Variants in EPG5 observed in about 807,000 individuals in gnomAD.
EPG5 encodes the protein ectopic P granules protein 5 homolog.
A neutral mutation model predicts 302.7 loss-of-function variants in EPG5; 159 were observed. The observed-to-expected ratio is 0.53, with a 90% CI of 0.46 to 0.60. The LOEUF is 0.60. Ranked by LOEUF, EPG5 falls within the 20% of genes least tolerant of loss-of-function variation. The probability of loss-of-function intolerance (pLI) is 0.00; values close to 1 mark genes in which losing one functional copy is unlikely to be tolerated. For missense variants in EPG5, 2,896 were observed against 3,092.4 expected, an observed-to-expected ratio of 0.94 and a Z score of 1.51; for synonymous variants, 1,158 against 1,136.8, an observed-to-expected ratio of 1.02 and a Z score of -0.37.
At position 45,910,658 on chromosome 18, in the gene EPG5, C is replaced by A. The variant is rs2049871249; in HGVS notation, c.4068G>T (p.Leu1356Phe). 3 of 1,614,134 alleles carry A rather than the reference C, an allele frequency of 1.9e-6. No individual in the cohort carries two copies. Among genetic ancestry groups the A allele is most frequent in the South Asian group, 2.2e-5 (2 of 91,044 alleles). Residue 1356 changes from leucine (L) to phenylalanine (F), a missense_variant, in exon 23 of 44, where the codon TTG becomes TTT. This residue lies in a region of EPG5 where 790 missense variants were observed against 798.0 expected (regional missense o/e 0.99). Transcript: ENST00000282041. ...INLLKEMKRRLTEVADFHHAA... is the reference protein window; with the variant it reads ...INLLKEMKRRFTEVADFHHAA... ...CATGGTGGAAGTCAGCCACCTCGGT[C>A]AAACGTCTCTTCATTTCTTTCAACA...
At chr18:45,836,578 G>C in the EPG5 span, among the ~76,000 whole-genome samples, 1 of 152,204 alleles carries the variant, frequency 6.6e-6, no homozygotes, top group African/African-American at 2.4e-5. Context: ...TCTGCTTCCA[G>C]ACCCTGGCTC....
At chr18:45,935,923 C>A (rs928430160) in intron 10 of EPG5, among the ~76,000 whole-genome samples, 1 of 152,162 alleles carries the variant, frequency 6.6e-6, no homozygotes, top group African/African-American at 2.4e-5. Flanking sequence ...ATGGGTCAAG[C>A]CCTCCTTGGA....
the EPG5 span, among the ~76,000 whole-genome samples, chr18:45,807,237 G>A: frequency 6.6e-6 from 1 of 152,124 alleles, no homozygotes; most frequent in Admixed American, 6.6e-5. Context: ...TGCCCAAGGA[G>A]AGTCTGTGCT....
intron 8 of EPG5, among the ~76,000 whole-genome samples, chr18:45,943,608 C>T (rs563889814): frequency 4.6e-5 from 7 of 152,160 alleles, no homozygotes; most frequent in African/African-American, 1.7e-4. Context: ...ACAAGAAACC[C>T]GAGTTGGAGC....
chr18:45,909,038 C>T (rs1237045945), intron 23 of EPG5, among the ~76,000 whole-genome samples: 1 of 151,986 alleles, frequency 6.6e-6, no homozygotes, highest in Non-Finnish European at 1.5e-5. Context: ...TTTTTACCAG[C>T]AGTGCTAGAA....
chr18:45,870,555 T>C lies in EPG5; in HGVS notation c.6225+12A>G. 1 of 1,610,754 alleles carries C rather than the reference T, an allele frequency of 6.2e-7. No homozygotes were observed. The highest frequency in any genetic ancestry group is 8.5e-7 in the Non-Finnish European group (1 of 1,177,458). ...TCTCTCTAGGCTGCGATGCCGGGAA[T>C]GAAGGGCTTACTTTGAAGAAGGCCT... is the stretch of plus-strand genomic sequence containing the variant. On this transcript the variant is annotated intron_variant, in intron 36 of 43. Transcript: ENST00000282041.
At chr18:45,815,493 C>A in the EPG5 span, among the ~76,000 whole-genome samples, 1 of 151,702 alleles carries the variant, frequency 6.6e-6, no homozygotes. Context: ...TATACATCAA[C>A]AGCAACCAAG....
intron 13 of EPG5, among the ~76,000 whole-genome samples, chr18:45,927,611 C>CACAT (rs1455442379): frequency 4.0e-5 from 6 of 151,148 alleles, no homozygotes; most frequent in African/African-American, 1.2e-4. Context: ...CACACACACA[C>CACAT]ACACACACAC....
chr18:45,866,897 C>A lies in EPG5; in HGVS notation c.6522G>T (p.Pro2174=), dbSNP rs148683476. ...VLSYFSSHYP[P]SIILAKESYA... Reference sequence around the variant, plus strand: ...AAGATTCTTTTGCCAGGATGATGGACGGCGGGTAATGGCTGCTGAAATAAC... The same window carrying A: ...AAGATTCTTTTGCCAGGATGATGGAAGGCGGGTAATGGCTGCTGAAATAAC... The change falls in exon 38 of 44, where the codon CCG becomes CCT. Residue 2174 remains proline, a synonymous_variant. Coordinates refer to ENST00000282041, the MANE Select transcript of EPG5 (RefSeq NM_020964.3). 6.2e-7 allele frequency: 1 copy of A among 1,614,058 alleles called. No individual in the cohort carries two copies. Among genetic ancestry groups the A allele is most frequent in the Non-Finnish European group, 8.5e-7 (1 of 1,179,940 alleles).
At chr18:45,917,646 G>C in intron 17 of EPG5, 33 bp downstream of exon 17, 1 of 1,611,680 alleles carries the variant, frequency 6.2e-7, no homozygotes, top group South Asian at 1.1e-5. Context: ...GACTGTTTAA[G>C]AGTGTCTCCT....
In EPG5 at chr18:45,880,197, CG is replaced by C; in HGVS notation, c.5544del (p.Glu1849SerfsTer7). ...MQSSAEQLLS[P>X]ECWKATLRAL... ...GCTCTCAGAGTGGCCTTCCAACACT[CG>C]GGGCTCAGAAGCTGCTCCGCGGAGC... is the stretch of plus-strand genomic sequence containing the variant. On this transcript the variant is annotated frameshift_variant, in exon 32 of 44. Transcript: ENST00000282041. LOFTEE classifies it high-confidence loss of function. 1 of 1,606,960 alleles carries C rather than the reference CG, an allele frequency of 6.2e-7. No homozygotes were observed. The highest frequency in any genetic ancestry group is 8.5e-7 in the Non-Finnish European group (1 of 1,175,704).
At chr18:45,911,126 T>TAC (rs1568146168) in intron 22 of EPG5, among the ~76,000 whole-genome samples, 2 of 149,380 alleles carry the variant, frequency 1.3e-5, no homozygotes, top group Non-Finnish European at 3.0e-5. Context: ...TATATATATA[T>TAC]ACATTTTTTT....
chr18:45,879,958 A>G (rs2145402546), intron 32 of EPG5, 117 bp downstream of exon 32: 2 of 1,220,270 alleles, frequency 1.6e-6, no homozygotes, highest in Admixed American at 4.8e-5. Context: ...CACTTAACAC[A>G]AAGAAAAACA....
Position 45,903,021 on chromosome 18 carries a change from G to A in EPG5, c.4474+952C>T, listed in dbSNP as rs78016361. ...AGCTTAACTCCAGCGAAAACAATTC[G>A]TATTTTAGGGCAGTGTTCAGGCAAC... On this transcript the variant is annotated intron_variant, in intron 25 of 43. Coordinates refer to ENST00000282041, the MANE Select transcript of EPG5 (RefSeq NM_020964.3). Among the ~76,000 whole-genome samples the A allele has an allele frequency of 3.0e-3, 459 of 152,282 alleles. 10 individuals are homozygous for A. In the East Asian group the frequency reaches 0.033, roughly 11 times the overall value.
intron 1 of EPG5, among the ~76,000 whole-genome samples, chr18:45,959,360 G>T (rs1302646476): frequency 2.0e-5 from 3 of 151,640 alleles, no homozygotes; most frequent in African/African-American, 7.3e-5. Flanking sequence ...ATAAATAGGG[G>T]CCGGGCCAGG....
chr18:45,952,399 C>G lies in EPG5; in HGVS notation c.1252+1G>C. ...GAAAGAGAGCTTCATTACTTACATA[C>G]CTCGGCCTTGCTGGTGAATTGCTGA... On this transcript the variant is annotated splice_donor_variant, in intron 3 of 43. Transcript: ENST00000282041. LOFTEE classifies it high-confidence loss of function. 6.2e-7 allele frequency: 1 copy of G among 1,613,866 alleles called. No individual in the cohort carries two copies. The highest frequency in any genetic ancestry group is 8.5e-7 in the Non-Finnish European group (1 of 1,179,924).
rs2050169887 is a variant in EPG5, at chr18:45,922,213, G to A, written c.3098+128C>T. 63 of 1,160,750 alleles carry A rather than the reference G, an allele frequency of 5.4e-5. No individual in the cohort carries two copies. In the South Asian group the frequency reaches 9.3e-4, roughly 17 times the overall value. 71.9% of individuals were successfully genotyped at this position (1,160,750 alleles called of 1,614,324 possible). ...TCCCCTTGATAAGCTGTTAATCAAGGATTATTATTTGGCCCAATTGCTCCG... is the reference window on the plus strand; with the variant it reads ...TCCCCTTGATAAGCTGTTAATCAAGAATTATTATTTGGCCCAATTGCTCCG... On this transcript the variant is annotated intron_variant, in intron 16 of 43. Transcript: ENST00000282041.
rs753444846 is a variant in EPG5 at position 45,951,198 on chromosome 18, T to C, written c.1293A>G (p.Gln431=). ...ATAAGACACTAATGCATTCCTTTAGTTGACACAGATCAGAGGGAATGCTTT... is the reference window on the plus strand; with the variant it reads ...ATAAGACACTAATGCATTCCTTTAGCTGACACAGATCAGAGGGAATGCTTT... ...QTESIPSDLC[Q]LKECISVLFM... is the part of the protein sequence containing the mutation. The change falls in exon 4 of 44, where the codon CAA becomes CAG. Residue 431 remains glutamine, a synonymous_variant. Coordinates refer to ENST00000282041, the MANE Select transcript of EPG5 (RefSeq NM_020964.3). 2.8e-5 allele frequency: 44 copies of C among 1,592,794 alleles called. No individual in the cohort carries two copies. The highest frequency in any genetic ancestry group is 2.7e-4 in the East Asian group (12 of 44,002).
In EPG5 at chr18:45,896,316, T is replaced by C. The variant is rs560389928; in HGVS notation, c.4809+3088A>G. 1.1e-4 allele frequency among the ~76,000 whole-genome samples: 16 copies of C among 152,352 alleles called. No individual in the cohort carries two copies. In the South Asian group the frequency reaches 2.9e-3, roughly 28 times the overall value. On this transcript the variant is annotated intron_variant, in intron 27 of 43. Transcript: ENST00000282041. ...GAGCCATCAGTGAGGGATCTCAAGCTTGTGGAACTTCCCAAGTGGGACTAA... is the reference window on the plus strand; with the variant it reads ...GAGCCATCAGTGAGGGATCTCAAGCCTGTGGAACTTCCCAAGTGGGACTAA...
Sources: allele counts gnomAD v4.1 joint callset (sites outside exome capture counted in the v4.1 genomes callset), GRCh38; gene constraint gnomAD v4.1.1; regional missense constraint gnomAD v4.1.1; transcripts MANE v1.5; gene names NCBI Gene and HGNC (gene_info 2026-07-23, HGNC 2026-07-21).